CSNK1G1: variants seen among roughly 807,000 people sequenced by gnomAD.
CSNK1G1 encodes casein kinase I isoform gamma-1.
CSNK1G1 carries 22 observed loss-of-function variants against 59.6 expected under a neutral mutation model. The ratio of observed to expected loss-of-function variants is 0.37; its 90% CI spans 0.26 to 0.53. The LOEUF (loss-of-function observed/expected upper bound fraction) is 0.53. Among genes scored for constraint, CSNK1G1 ranks in the 20% least tolerant of loss-of-function variants. CSNK1G1 has a pLI of 0.89. For synonymous variants in CSNK1G1, 179 were observed against 177.1 expected, an observed-to-expected ratio of 1.01 and a Z score of -0.08; for missense variants, 384 against 519.5, an observed-to-expected ratio of 0.74 and a Z score of 2.54.
intron 1 of CSNK1G1, among the ~76,000 whole-genome samples, chr15:64,313,478 T>A (rs1896101183): frequency 6.6e-6 from 1 of 152,190 alleles, no homozygotes; most frequent in Non-Finnish European, 1.5e-5. Flanking sequence ...GAAACCATCA[T>A]TCTCAGCAAA....
At chr15:64,338,199 G>A (rs941075508) in intron 1 of CSNK1G1, among the ~76,000 whole-genome samples, 7 of 152,006 alleles carry the variant, frequency 4.6e-5, no homozygotes, top group Admixed American at 4.6e-4. Flanking sequence ...CAATGGCTGC[G>A]GCATTTTATA....
intron 4 of CSNK1G1, among the ~76,000 whole-genome samples, chr15:64,233,781 T>C (rs1157958295): frequency 1.3e-5 from 2 of 152,122 alleles, no homozygotes; most frequent in African/African-American, 2.4e-5. Flanking sequence ...AAATTCATAG[T>C]ATCACTATTT....
chr15:64,309,990 G>C (rs1257984520), intron 1 of CSNK1G1, among the ~76,000 whole-genome samples: 1 of 151,492 alleles, frequency 6.6e-6, no homozygotes, highest in East Asian at 1.9e-4. Flanking sequence ...GCACATGCCT[G>C]TAGTCTCAGC....
chr15:64,326,559 G>A (rs189833005), intron 1 of CSNK1G1, among the ~76,000 whole-genome samples: 161 of 151,974 alleles, frequency 1.1e-3, no homozygotes, highest in African/African-American at 3.6e-3. Flanking sequence ...CAGGAGAATC[G>A]CTTGAACCTG....
intron 10 of CSNK1G1, chr15:64,181,567 T>C: frequency 1.2e-6 from 1 of 844,128 alleles, no homozygotes; most frequent in Non-Finnish European, 1.8e-6. Context: ...TGAGACTGTC[T>C]AGTATAATAC....
At chr15:64,185,903 T>C (rs1420631106) in intron 10 of CSNK1G1, among the ~76,000 whole-genome samples, 1 of 151,714 alleles carries the variant, frequency 6.6e-6, no homozygotes, top group Non-Finnish European at 1.5e-5. Flanking sequence ...ATATGCTTAT[T>C]TTGTAATTAT....
In CSNK1G1 at chr15:64,239,899, A is replaced by AT. The variant is rs1271344020; in HGVS notation, c.292+11612_292+11613insA. Among the ~76,000 whole-genome samples, 11 of 152,342 alleles carry AT rather than the reference A, an allele frequency of 7.2e-5. No individual in the cohort carries two copies. The East Asian group carries it at 1.9e-3, about 27-fold the overall frequency. On this transcript the variant is annotated intron_variant, in intron 4 of 11. Coordinates refer to ENST00000303052, the MANE Select transcript of CSNK1G1 (RefSeq NM_022048.5). ...AGACGTAAGCAGAAGAAAGTCTCTG[A>AT]GCTTGATGAGAGGTCATTTGAAACT...
intron 2 of CSNK1G1, among the ~76,000 whole-genome samples, chr15:64,268,724 T>C (rs1893115422): frequency 6.6e-6 from 1 of 152,182 alleles, no homozygotes; most frequent in African/African-American, 2.4e-5. Context: ...AATGTGGGTG[T>C]GTGTGTCAGC....
At chr15:64,256,439 A>G (rs1892374812) in intron 3 of CSNK1G1, among the ~76,000 whole-genome samples, 1 of 152,240 alleles carries the variant, frequency 6.6e-6, no homozygotes, top group Non-Finnish European at 1.5e-5. Context: ...ATATATTCAG[A>G]CATGAGGGTC....
chr15:64,285,134 T>C (rs1309939517), intron 2 of CSNK1G1, among the ~76,000 whole-genome samples: 1 of 152,146 alleles, frequency 6.6e-6, no homozygotes, highest in Non-Finnish European at 1.5e-5. Flanking sequence ...TTATTTATTA[T>C]TATAATAAAA....
intron 2 of CSNK1G1, among the ~76,000 whole-genome samples, chr15:64,264,844 A>G (rs972192731): frequency 2.6e-5 from 4 of 152,262 alleles, no homozygotes; most frequent in African/African-American, 4.8e-5. Flanking sequence ...AAAAACTCTC[A>G]ATAAATTAGG....
In CSNK1G1 at chr15:64,176,557, G is replaced by C. The variant is rs540738964; in HGVS notation, c.1214+3791C>G. Among the ~76,000 whole-genome samples the C allele has an allele frequency of 6.6e-6, 1 of 152,298 alleles. No homozygotes were observed. Among genetic ancestry groups the C allele is most frequent in the African/African-American group, 2.4e-5 (1 of 41,558 alleles). On this transcript the variant is annotated intron_variant, in intron 11 of 11. Transcript: ENST00000303052. The surrounding 1 kb of genome is among the most constrained non-coding windows in gnomAD (Gnocchi z 5.2). ...AAGGCAAAACAGAAAGAGTTGGTAG[G>C]AGCTCCAGGGTGGGCTTTCCTGGGC...
chr15:64,182,229 G>GT (rs1430337194), intron 10 of CSNK1G1, among the ~76,000 whole-genome samples: 3 of 151,414 alleles, frequency 2.0e-5, no homozygotes, highest in African/African-American at 7.3e-5. Flanking sequence ...ACACCTGGCT[G>GT]TTTGTTTGTT....
intron 1 of CSNK1G1, among the ~76,000 whole-genome samples, chr15:64,353,165 G>T (rs1898412031): frequency 6.6e-6 from 1 of 152,052 alleles, no homozygotes; most frequent in South Asian, 2.1e-4. Flanking sequence ...AAACTGAATT[G>T]CAAACTTTGT....
intron 10 of CSNK1G1, chr15:64,181,552 A>T: frequency 1.1e-6 from 1 of 938,530 alleles, no homozygotes; most frequent in Non-Finnish European, 1.5e-6. Context: ...ATACAAGAAA[A>T]TGTATGAGAC....
intron 2 of CSNK1G1, among the ~76,000 whole-genome samples, chr15:64,270,650 C>G (rs758401589): frequency 6.6e-5 from 10 of 152,020 alleles, no homozygotes; most frequent in Non-Finnish European, 1.2e-4. Context: ...GTCCCAGCTA[C>G]TCGGGAGGCT....
At chr15:64,186,534 G>A (rs924266486) in intron 10 of CSNK1G1, among the ~76,000 whole-genome samples, 1 of 152,052 alleles carries the variant, frequency 6.6e-6, no homozygotes. Flanking sequence ...TAAAGAGACA[G>A]GGTCTTGCTC....
intron 11 of CSNK1G1, among the ~76,000 whole-genome samples, chr15:64,172,526 C>G (rs1424923749): frequency 1.3e-5 from 2 of 152,198 alleles, no homozygotes; most frequent in African/African-American, 4.8e-5. Flanking sequence ...CCATCCCCCT[C>G]TCTGTCCTCA....
chr15:64,198,299 A>T (rs1428566196), intron 10 of CSNK1G1, among the ~76,000 whole-genome samples: 1 of 142,500 alleles, frequency 7.0e-6, no homozygotes, highest in Non-Finnish European at 1.5e-5. Flanking sequence ...TCCGCCTCCC[A>T]GGTTCAAGCA....
Sources: gnomAD v4.1 joint callset for allele counts (sites outside exome capture counted in the v4.1 genomes callset) on GRCh38, gnomAD v4.1.1 for gene constraint, Gnocchi (gnomAD v3.1) non-coding constraint, MANE v1.5 for transcripts, NCBI Gene and HGNC (gene_info 2026-07-23, HGNC 2026-07-21) for gene names.